FBXL17: variants seen among roughly 807,000 people sequenced by gnomAD.
FBXL17 encodes F-box/LRR-repeat protein 17.
Under a neutral mutation model 66.2 loss-of-function variants are expected in FBXL17, and 22 were observed. The observed-to-expected ratio is 0.33, with a 90% CI of 0.24 to 0.47. FBXL17 has a LOEUF of 0.47. Among genes scored for constraint, FBXL17 ranks in the 20% least tolerant of loss-of-function variants. FBXL17 has a pLI of 1.00. For missense variants in FBXL17, 878 were observed against 948.2 expected (o/e 0.93, Z 0.97); for synonymous variants, 474 against 400.5 (o/e 1.18, Z -2.19).
intron 5 of FBXL17, among the ~76,000 whole-genome samples, chr5:108,187,597 G>C (rs888638986): frequency 1.3e-5 from 2 of 152,184 alleles, no homozygotes; most frequent in Non-Finnish European, 2.9e-5. Flanking sequence ...TGAGGAAGGG[G>C]CCAGGAGTCA....
At chr5:108,345,059 G>C (rs1394585755) in intron 4 of FBXL17, among the ~76,000 whole-genome samples, 1 of 152,116 alleles carries the variant, frequency 6.6e-6, no homozygotes, top group Admixed American at 6.6e-5. Context: ...CTAAGGCCGG[G>C]CACGGTGGCT....
At chr5:108,213,066 G>T (rs1033029576) in intron 5 of FBXL17, among the ~76,000 whole-genome samples, 1 of 152,120 alleles carries the variant, frequency 6.6e-6, no homozygotes, top group African/African-American at 2.4e-5. Flanking sequence ...GCTCCACCCA[G>T]TTGGAACTTC....
intron 5 of FBXL17, among the ~76,000 whole-genome samples, chr5:108,193,352 G>A (rs1753547634): frequency 6.6e-6 from 1 of 152,074 alleles, no homozygotes; most frequent in Non-Finnish European, 1.5e-5. Flanking sequence ...TTAAAGACAG[G>A]GAGAGTGACT....
intron 6 of FBXL17, among the ~76,000 whole-genome samples, chr5:108,138,219 T>C (rs901290286): frequency 2.0e-5 from 3 of 152,300 alleles, no homozygotes; most frequent in Non-Finnish European, 2.9e-5. Flanking sequence ...AGAAAATACA[T>C]TTCAGACTAC....
At chr5:108,287,862 A>G (rs1327809340) in intron 4 of FBXL17, among the ~76,000 whole-genome samples, 1 of 152,086 alleles carries the variant, frequency 6.6e-6, no homozygotes, top group Non-Finnish European at 1.5e-5. Context: ...CATGGAATCA[A>G]CCTAAATACC....
chr5:108,123,006 C>A (rs1375417768), intron 6 of FBXL17, among the ~76,000 whole-genome samples: 2 of 151,604 alleles, frequency 1.3e-5, no homozygotes, highest in African/African-American at 4.9e-5. Flanking sequence ...GTGATACAGG[C>A]ATTATTTCTC....
intron 7 of FBXL17, among the ~76,000 whole-genome samples, chr5:108,020,488 GA>G (rs1754550457): frequency 6.6e-6 from 1 of 151,840 alleles, no homozygotes; most frequent in Non-Finnish European, 1.5e-5. Flanking sequence ...ATGCTTTCCA[GA>G]ATTTAAAGTG....
intron 6 of FBXL17, among the ~76,000 whole-genome samples, chr5:108,127,017 T>G (rs895559639): frequency 6.6e-6 from 1 of 152,118 alleles, no homozygotes; most frequent in African/African-American, 2.4e-5. Context: ...TTTCATCCAA[T>G]TCAAATCAGA....
chr5:107,879,537 A>T, intron 8 of FBXL17: 10 of 985,456 alleles, frequency 1.0e-5, no homozygotes, highest in Non-Finnish European at 1.1e-5. Context: ...TTCTCTAAAC[A>T]TAACTAGCTG....
At chr5:107,993,565 T>C (rs538885104) in intron 7 of FBXL17, among the ~76,000 whole-genome samples, 1 of 152,334 alleles carries the variant, frequency 6.6e-6, no homozygotes, top group African/African-American at 2.4e-5. Flanking sequence ...GTCTAGGCAG[T>C]TGCTTTTTCA....
intron 4 of FBXL17, among the ~76,000 whole-genome samples, chr5:108,245,825 G>C (rs1247613072): frequency 6.6e-6 from 1 of 152,122 alleles, no homozygotes; most frequent in Admixed American, 6.5e-5. Flanking sequence ...ACAACATCAA[G>C]ACATATACTC....
chr5:108,352,635 C>T (rs1158888911), intron 3 of FBXL17, among the ~76,000 whole-genome samples: 5 of 152,050 alleles, frequency 3.3e-5, no homozygotes, highest in Admixed American at 2.0e-4. Context: ...CTCAGCCTCC[C>T]GAGTAGCTGG....
rs139663691 is a variant in FBXL17 at position 108,043,057 on chromosome 5, G to T, written c.1746-22056C>A. The stretch of plus-strand genomic sequence containing the variant: ...TCAGTGAAATGTCTATGTCATTTAC[G>T]CATTTTCTAACTGGCTTGTTTTTAA... On this transcript the variant is annotated intron_variant, in intron 6 of 8. Coordinates refer to ENST00000542267, the MANE Select transcript of FBXL17 (RefSeq NM_001163315.3). Among the ~76,000 whole-genome samples the T allele has an allele frequency of 7.2e-3, 1,096 of 152,034 alleles. 8 individuals are homozygous for T. The highest frequency in any genetic ancestry group is 0.023 in the African/African-American group (939 of 41,480).
intron 3 of FBXL17, among the ~76,000 whole-genome samples, chr5:108,352,408 G>A (rs948526928): frequency 6.6e-6 from 1 of 152,180 alleles, no homozygotes; most frequent in Non-Finnish European, 1.5e-5. Context: ...CATTCAGAGG[G>A]CATCAACCAA....
chr5:107,942,708 G>A (rs749050227), intron 7 of FBXL17, among the ~76,000 whole-genome samples: 1 of 150,518 alleles, frequency 6.6e-6, no homozygotes, highest in Non-Finnish European at 1.5e-5. Context: ...CCTCTCCCTA[G>A]TATCTCTTAT....
chr5:107,938,440 T>C (rs1000691902), intron 7 of FBXL17, among the ~76,000 whole-genome samples: 2 of 152,082 alleles, frequency 1.3e-5, no homozygotes, highest in Non-Finnish European at 2.9e-5. Flanking sequence ...GTGAAAGGGG[T>C]TGTTAGTCAT....
chr5:108,240,403 T>C (rs1204219236), intron 4 of FBXL17, among the ~76,000 whole-genome samples: 1 of 152,022 alleles, frequency 6.6e-6, no homozygotes, highest in African/African-American at 2.4e-5. Context: ...CTTGAATGAA[T>C]ATCATTGGTA....
intron 8 of FBXL17, chr5:107,880,232 T>TG (rs1303553447): frequency 1.4e-3 from 493 of 351,728 alleles, no homozygotes; most frequent in Non-Finnish European, 1.7e-3. Flanking sequence ...TATGCCTGGC[T>TG]AATTTTTTTT....
chr5:108,069,058 C>T (rs1421059445), intron 6 of FBXL17, among the ~76,000 whole-genome samples: 2 of 152,152 alleles, frequency 1.3e-5, no homozygotes, highest in African/African-American at 4.8e-5. Context: ...GTGAGTGTAA[C>T]ACTTTCACAC....
Sources: allele counts gnomAD v4.1 joint callset (sites outside exome capture counted in the v4.1 genomes callset), GRCh38; gene constraint gnomAD v4.1.1; transcripts MANE v1.5; gene names NCBI Gene and HGNC (gene_info 2026-07-23, HGNC 2026-07-21).